CNTN4: variants seen among roughly 807,000 people sequenced by gnomAD.
CNTN4 encodes contactin-4.
In CNTN4, 77 loss-of-function variants were observed where a neutral mutation model predicts 122.5. The observed-to-expected ratio is 0.63, with a 90% CI of 0.52 to 0.76. CNTN4 has a LOEUF of 0.76. Ranked by LOEUF, CNTN4 falls within the 30% of genes least tolerant of loss-of-function variation. CNTN4 has a pLI of 0.00. For missense variants in CNTN4, 1,256 were observed against 1,259.1 expected (o/e 1.00, Z 0.04); for synonymous variants, 512 against 447.0 (o/e 1.15, Z -1.83).
intron 4 of CNTN4, among the ~76,000 whole-genome samples, chr3:2,638,672 T>A (rs554882456): frequency 6.6e-6 from 1 of 152,326 alleles, no homozygotes; most frequent in East Asian, 1.9e-4. Context: ...GCTAGACATA[T>A]ACAGTGTGAT....
At chr3:2,768,326 G>A (rs1379880633) in intron 6 of CNTN4, among the ~76,000 whole-genome samples, 1 of 152,110 alleles carries the variant, frequency 6.6e-6, no homozygotes, top group East Asian at 1.9e-4. Context: ...TCTTATCTTG[G>A]ATAATTAATA....
intron 2 of CNTN4, among the ~76,000 whole-genome samples, chr3:2,325,299 TATA>T (rs1490938477): frequency 6.6e-6 from 1 of 152,238 alleles, no homozygotes; most frequent in African/African-American, 2.4e-5. Flanking sequence ...TTTTGCTTTA[TATA>T]ATATTTTCCC....
At chr3:2,671,536 C>T (rs2084512965) in intron 4 of CNTN4, among the ~76,000 whole-genome samples, 1 of 152,144 alleles carries the variant, frequency 6.6e-6, no homozygotes, top group Non-Finnish European at 1.5e-5. Flanking sequence ...TGGTTTCAAA[C>T]TTCCTCCTTT....
intron 13 of CNTN4, among the ~76,000 whole-genome samples, chr3:2,984,480 C>A (rs1694366628): frequency 6.6e-6 from 1 of 152,220 alleles, no homozygotes; most frequent in South Asian, 2.1e-4. Flanking sequence ...CATTATCCCC[C>A]CCAGGACAAA....
At chr3:3,044,762 G>T (rs150527683) in intron 23 of CNTN4, among the ~76,000 whole-genome samples, 2 of 152,318 alleles carry the variant, frequency 1.3e-5, no homozygotes, top group African/African-American at 4.8e-5. Context: ...GACAGTGGGC[G>T]CAGGACAGTG....
chr3:2,998,311 C>A (rs1416674699), intron 14 of CNTN4, among the ~76,000 whole-genome samples: 2 of 152,196 alleles, frequency 1.3e-5, no homozygotes, highest in Non-Finnish European at 2.9e-5. Flanking sequence ...ACTGTCTCCT[C>A]CCTGTAGGCC....
intron 3 of CNTN4, among the ~76,000 whole-genome samples, chr3:2,343,649 G>C (rs1254394517): frequency 6.6e-6 from 1 of 152,184 alleles, no homozygotes; most frequent in Non-Finnish European, 1.5e-5. Flanking sequence ...ATAAACCTGT[G>C]CTTTCATTAC....
intron 4 of CNTN4, among the ~76,000 whole-genome samples, chr3:2,661,638 C>A (rs2083899169): frequency 6.6e-6 from 1 of 151,538 alleles, no homozygotes; most frequent in African/African-American, 2.4e-5. Flanking sequence ...CATGGAGAAA[C>A]CCTGTCTCTA....
intron 14 of CNTN4, among the ~76,000 whole-genome samples, chr3:3,016,062 T>C (rs1462043669): frequency 6.6e-6 from 1 of 152,194 alleles, no homozygotes; most frequent in Admixed American, 6.5e-5. Flanking sequence ...AACATTCTAA[T>C]TATTATTTGA....
At chr3:2,245,117 C>G (rs2040091961) in intron 2 of CNTN4, among the ~76,000 whole-genome samples, 1 of 151,970 alleles carries the variant, frequency 6.6e-6, no homozygotes, top group Non-Finnish European at 1.5e-5. Flanking sequence ...ATCACTGTTT[C>G]AAACAGAATT....
chr3:2,777,278 T>C (rs2149815145), intron 6 of CNTN4, among the ~76,000 whole-genome samples: 1 of 152,344 alleles, frequency 6.6e-6, no homozygotes. Context: ...CTACTCAATA[T>C]TCCATATCTA....
At chr3:2,500,347 G>A (rs551162346) in intron 3 of CNTN4, among the ~76,000 whole-genome samples, 2 of 152,080 alleles carry the variant, frequency 1.3e-5, no homozygotes, top group African/African-American at 4.8e-5. Flanking sequence ...CAGTAATTGT[G>A]TAGATTTCTC....
intron 2 of CNTN4, among the ~76,000 whole-genome samples, chr3:2,300,519 AG>A (rs2042464745): frequency 7.4e-6 from 1 of 134,766 alleles, no homozygotes; most frequent in Non-Finnish European, 1.6e-5. Context: ...CTTTCCATTT[AG>A]CCCCATCAAA....
intron 3 of CNTN4, among the ~76,000 whole-genome samples, chr3:2,568,643 G>A (rs1545771): frequency 0.75 from 113,841 of 152,052 alleles, 42,763 homozygotes; most frequent in East Asian, 0.91. Context: ...AGAGTCCCAC[G>A]TGAGATTCAT....
intron 4 of CNTN4, among the ~76,000 whole-genome samples, chr3:2,703,427 A>G (rs2086469798): frequency 6.6e-6 from 1 of 152,178 alleles, no homozygotes; most frequent in South Asian, 2.1e-4. Flanking sequence ...TTTTTATAAG[A>G]CATGTATTTA....
chr3:2,620,391 A>G (rs748945794), intron 4 of CNTN4, among the ~76,000 whole-genome samples: 1 of 152,086 alleles, frequency 6.6e-6, no homozygotes, highest in African/African-American at 2.4e-5. Flanking sequence ...TCCCAGCTAC[A>G]TGGGAGGCTA....
At chr3:2,854,969 A>G (rs1303298483) in intron 7 of CNTN4, among the ~76,000 whole-genome samples, 1 of 152,226 alleles carries the variant, frequency 6.6e-6, no homozygotes, top group Non-Finnish European at 1.5e-5. Flanking sequence ...CAAAATTTCT[A>G]TTAATTATGA....
intron 3 of CNTN4, among the ~76,000 whole-genome samples, chr3:2,570,782 A>G (rs2079388424): frequency 6.6e-6 from 1 of 152,198 alleles, no homozygotes; most frequent in Admixed American, 6.5e-5. Context: ...CTTGGCTAAC[A>G]GAAGTATTAG....
At chr3:2,874,105 CTG>C (rs893544828) in intron 8 of CNTN4, among the ~76,000 whole-genome samples, 6 of 152,118 alleles carry the variant, frequency 3.9e-5, no homozygotes, top group Admixed American at 3.3e-4. Context: ...CTTAATGGCT[CTG>C]TGTATTTTGA....
Sources: allele counts gnomAD v4.1 joint callset (sites outside exome capture counted in the v4.1 genomes callset), GRCh38; gene constraint gnomAD v4.1.1; transcripts MANE v1.5; gene names NCBI Gene and HGNC (gene_info 2026-07-23, HGNC 2026-07-21).